The following PPARGC1A variants were observed in gnomAD, a reference collection of about 807,000 sequenced individuals.
The protein encoded by PPARGC1A is PPARG coactivator 1 alpha.
In PPARGC1A, 25 loss-of-function variants were observed where a neutral mutation model predicts 88.7. The observed-to-expected ratio is 0.28, with a 90% CI of 0.21 to 0.39. The LOEUF is 0.39. PPARGC1A is among the 10% of genes least tolerant of loss of function. PPARGC1A has a pLI of 1.00. For missense variants in PPARGC1A, 880 were observed against 968.7 expected, an observed-to-expected ratio of 0.91 and a Z score of 1.22; for synonymous variants, 363 against 355.6, an observed-to-expected ratio of 1.02 and a Z score of -0.24.
the PPARGC1A span, among the ~76,000 whole-genome samples, chr4:24,060,223 A>G: frequency 1.3e-5 from 2 of 152,212 alleles, no homozygotes; most frequent in Non-Finnish European, 1.5e-5. Context: ...AAACAAACAC[A>G]GAAGTTGAAA....
At chr4:23,944,819 A>G in the PPARGC1A span, among the ~76,000 whole-genome samples, 1 of 152,174 alleles carries the variant, frequency 6.6e-6, no homozygotes, top group Admixed American at 6.5e-5. Flanking sequence ...TCCTTCTGCC[A>G]TGACTGTAAG....
chr4:23,805,900 A>G (rs1369364949), intron 10 of PPARGC1A, among the ~76,000 whole-genome samples: 1 of 152,156 alleles, frequency 6.6e-6, no homozygotes, highest in Non-Finnish European at 1.5e-5. Flanking sequence ...TAAAGCGAAA[A>G]TCGACCATAT....
the PPARGC1A span, among the ~76,000 whole-genome samples, chr4:24,215,068 T>C: frequency 3.3e-5 from 5 of 152,178 alleles, no homozygotes; most frequent in Non-Finnish European, 5.9e-5. Flanking sequence ...AAGTGCACCT[T>C]CCTTTAGCAG....
At chr4:24,103,296 A>G in the PPARGC1A span, among the ~76,000 whole-genome samples, 1 of 152,070 alleles carries the variant, frequency 6.6e-6, no homozygotes. Flanking sequence ...GCTCCTCAAC[A>G]AAAGACTCAA....
the PPARGC1A span, among the ~76,000 whole-genome samples, chr4:24,304,408 G>T: frequency 6.6e-6 from 1 of 152,184 alleles, no homozygotes; most frequent in Non-Finnish European, 1.5e-5. Flanking sequence ...ATTTTTGTAA[G>T]CACTTTGCAT....
chr4:24,217,014 A>G, the PPARGC1A span, among the ~76,000 whole-genome samples: 10 of 152,350 alleles, frequency 6.6e-5, no homozygotes, highest in East Asian at 7.7e-4. Context: ...CTATGTCTGC[A>G]TCTCACTTAC....
At chr4:24,098,354 T>G in the PPARGC1A span, among the ~76,000 whole-genome samples, 1 of 152,212 alleles carries the variant, frequency 6.6e-6, no homozygotes, top group Non-Finnish European at 1.5e-5. Context: ...ATTTATATGT[T>G]TTAAGCAAAA....
the PPARGC1A span, among the ~76,000 whole-genome samples, chr4:24,465,324 C>CT: frequency 6.6e-6 from 1 of 152,106 alleles, no homozygotes; most frequent in Non-Finnish European, 1.5e-5. Flanking sequence ...CTCCTTTCTT[C>CT]TTTTTTTAAA....
the PPARGC1A span, among the ~76,000 whole-genome samples, chr4:24,438,153 G>C: frequency 6.6e-6 from 1 of 152,202 alleles, no homozygotes; most frequent in African/African-American, 2.4e-5. Flanking sequence ...TAATCCAGAG[G>C]TAGCACTGAT....
chr4:24,469,926 C>T, the PPARGC1A span, among the ~76,000 whole-genome samples: 14 of 152,122 alleles, frequency 9.2e-5, no homozygotes, highest in Admixed American at 5.2e-4. Context: ...CCAGCCGCAG[C>T]CCTTCGCTTT....
the PPARGC1A span, among the ~76,000 whole-genome samples, chr4:23,919,772 C>A: frequency 6.6e-6 from 1 of 152,260 alleles, no homozygotes; most frequent in South Asian, 2.1e-4. Flanking sequence ...ACAGAATGTT[C>A]TCCCTTTTTC....
chr4:24,419,121 G>A, the PPARGC1A span, among the ~76,000 whole-genome samples: 1 of 152,088 alleles, frequency 6.6e-6, no homozygotes, highest in East Asian at 1.9e-4. Flanking sequence ...AAAAGAAGCA[G>A]GAGAGGGGGC....
chr4:24,071,749 A>C, the PPARGC1A span, among the ~76,000 whole-genome samples: 1 of 152,258 alleles, frequency 6.6e-6, no homozygotes, highest in South Asian at 2.1e-4. Flanking sequence ...ATCAGACCCA[A>C]GTTTTACCCC....
At chr4:23,958,800 T>C in the PPARGC1A span, among the ~76,000 whole-genome samples, 1 of 152,100 alleles carries the variant, frequency 6.6e-6, no homozygotes, top group Admixed American at 6.6e-5. Flanking sequence ...TAAAAATAGA[T>C]TGACATGCCC....
the PPARGC1A span, among the ~76,000 whole-genome samples, chr4:24,344,121 A>C: frequency 7.2e-4 from 94 of 129,708 alleles, 1 homozygote; most frequent in African/African-American, 2.5e-3. Context: ...ATATATATAT[A>C]TCACAGTTTT....
the PPARGC1A span, among the ~76,000 whole-genome samples, chr4:24,198,607 C>T: frequency 1.3e-5 from 2 of 152,194 alleles, no homozygotes; most frequent in African/African-American, 4.8e-5. Context: ...CTAACAAACC[C>T]TTTAGCAATT....
the PPARGC1A span, among the ~76,000 whole-genome samples, chr4:24,284,411 A>C: frequency 6.6e-6 from 1 of 152,258 alleles, no homozygotes; most frequent in Non-Finnish European, 1.5e-5. Context: ...GTCTAACTGC[A>C]GAACCCAAGT....
intron 1 of PPARGC1A, among the ~76,000 whole-genome samples, chr4:23,886,372 C>T (rs951760066): frequency 3.9e-5 from 6 of 152,044 alleles, no homozygotes; most frequent in East Asian, 1.9e-4. Context: ...TATGCAGCAG[C>T]GTGATCAAAA....
the PPARGC1A span, among the ~76,000 whole-genome samples, chr4:24,459,382 A>T: frequency 6.6e-6 from 1 of 151,932 alleles, no homozygotes; most frequent in Admixed American, 6.6e-5. Context: ...TGGTCACATG[A>T]TTAATAAAGA....
Sources: gnomAD v4.1 joint callset for allele counts (sites outside exome capture counted in the v4.1 genomes callset) on GRCh38, gnomAD v4.1.1 for gene constraint, MANE v1.5 for transcripts, NCBI Gene and HGNC (gene_info 2026-07-23, HGNC 2026-07-21) for gene names.